Variants in RABGAP1L observed in about 807,000 individuals in gnomAD.
RABGAP1L encodes RAB GTPase activating protein 1 like, also known as rab GTPase-activating protein 1-like.
Under a neutral mutation model 137.7 loss-of-function variants are expected in RABGAP1L, and 63 were observed. The observed-to-expected ratio is 0.46, with a 90% confidence interval of 0.37 to 0.56. The LOEUF (loss-of-function observed/expected upper bound fraction) is 0.56. RABGAP1L is among the 20% of genes least tolerant of loss of function. The pLI is 0.00. For missense variants in RABGAP1L, 1,095 were observed against 1,244.0 expected, an observed-to-expected ratio of 0.88 and a Z score of 1.80; for synonymous variants, 431 against 433.7, an observed-to-expected ratio of 0.99 and a Z score of 0.08.
Position 174,414,476 on chromosome 1 carries a change from A to G in RABGAP1L, c.1710+20331A>G, listed in dbSNP as rs946828545. 3.9e-5 allele frequency among the ~76,000 whole-genome samples: 6 copies of G among 152,160 alleles called. No individual in the cohort carries two copies. In the South Asian group the frequency reaches 1.2e-3, roughly 32 times the overall value. ...GTCCTACTATCTAGGATACTGTCCT[A>G]CTATATAGGATCCTACTATACTAAT... On this transcript the variant is annotated intron_variant, in intron 13 of 25. Coordinates refer to ENST00000681986, the MANE Select transcript of RABGAP1L (RefSeq NM_001366446.1).
intron 13 of RABGAP1L, among the ~76,000 whole-genome samples, chr1:174,570,957 A>G (rs1471043734): frequency 6.6e-6 from 1 of 152,228 alleles, no homozygotes; most frequent in Non-Finnish European, 1.5e-5. Flanking sequence ...TATGGAAGAG[A>G]TACCTGCACT....
chr1:174,574,443 T>TTCTTAGG (rs1668214145), intron 13 of RABGAP1L, among the ~76,000 whole-genome samples: 1 of 152,182 alleles, frequency 6.6e-6, no homozygotes, highest in African/African-American at 2.4e-5. Flanking sequence ...CAACATAGTA[T>TTCTTAGG]TCTTAGGTCT....
chr1:174,831,075 T>C (rs1420397193), intron 19 of RABGAP1L, among the ~76,000 whole-genome samples: 1 of 148,234 alleles, frequency 6.7e-6, no homozygotes, highest in Non-Finnish European at 1.5e-5. Context: ...GTTTATTTAA[T>C]TTTATTTTAA....
chr1:174,246,586 C>T (rs578043698), intron 5 of RABGAP1L, among the ~76,000 whole-genome samples: 4 of 152,036 alleles, frequency 2.6e-5, no homozygotes, highest in Non-Finnish European at 5.9e-5. Flanking sequence ...CTAAAAGATA[C>T]AGTATAAAAA....
chr1:174,307,079 A>G (rs532726452), intron 11 of RABGAP1L, among the ~76,000 whole-genome samples: 3 of 150,088 alleles, frequency 2.0e-5, no homozygotes, highest in Non-Finnish European at 4.5e-5. Flanking sequence ...TTTGAGTCTT[A>G]CAATCCCATG....
intron 17 of RABGAP1L, among the ~76,000 whole-genome samples, chr1:174,744,184 A>G (rs1683688060): frequency 6.6e-6 from 1 of 151,354 alleles, no homozygotes; most frequent in Non-Finnish European, 1.5e-5. Flanking sequence ...CAAACATCAC[A>G]TTCTTTTATT....
At chr1:174,955,644 A>G (rs1668400133) in intron 19 of RABGAP1L, among the ~76,000 whole-genome samples, 1 of 152,266 alleles carries the variant, frequency 6.6e-6, no homozygotes, top group African/African-American at 2.4e-5. Flanking sequence ...AGGGCCTAGT[A>G]TGAGCCAAAT....
chr1:174,453,826 AC>A (rs1265143203), intron 13 of RABGAP1L, among the ~76,000 whole-genome samples: 1 of 152,144 alleles, frequency 6.6e-6, no homozygotes, highest in African/African-American at 2.4e-5. Flanking sequence ...AATATTCATA[AC>A]TTTTTTCAAT....
chr1:174,611,114 A>G (rs953383379), intron 13 of RABGAP1L, among the ~76,000 whole-genome samples: 3 of 148,410 alleles, frequency 2.0e-5, no homozygotes, highest in African/African-American at 7.7e-5. Context: ...TGTGTTTTAG[A>G]CATGAAGTCC....
intron 13 of RABGAP1L, among the ~76,000 whole-genome samples, chr1:174,484,233 A>AT (rs1558272846): frequency 6.6e-6 from 1 of 152,100 alleles, no homozygotes; most frequent in Non-Finnish European, 1.5e-5. Flanking sequence ...ATGTTTTCCC[A>AT]TTTTTTAATA....
intron 19 of RABGAP1L, among the ~76,000 whole-genome samples, chr1:174,911,391 G>T (rs755902921): frequency 3.6e-4 from 55 of 152,230 alleles, no homozygotes; most frequent in Middle Eastern, 6.8e-3. Context: ...TAAATTTAAT[G>T]CAAATTTGTG....
At chr1:174,817,890 C>G (rs773733436) in intron 19 of RABGAP1L, among the ~76,000 whole-genome samples, 1 of 152,092 alleles carries the variant, frequency 6.6e-6, no homozygotes, top group Non-Finnish European at 1.5e-5. Context: ...ATGTGAGCCT[C>G]AGGGCAGATA....
At chr1:174,935,717 C>T (rs1664660227) in intron 19 of RABGAP1L, among the ~76,000 whole-genome samples, 1 of 152,176 alleles carries the variant, frequency 6.6e-6, no homozygotes, top group Non-Finnish European at 1.5e-5. Flanking sequence ...CACAGTGGCT[C>T]ACGCCTGTAA....
At chr1:174,927,482 G>A (rs1663040705) in intron 19 of RABGAP1L, among the ~76,000 whole-genome samples, 1 of 151,982 alleles carries the variant, frequency 6.6e-6, no homozygotes, top group East Asian at 1.9e-4. Context: ...CTCCTGCCTT[G>A]GTCTCCCAAA....
intron 18 of RABGAP1L, among the ~76,000 whole-genome samples, chr1:174,757,284 T>A (rs1317456587): frequency 6.6e-6 from 1 of 152,196 alleles, no homozygotes; most frequent in Admixed American, 6.5e-5. Context: ...AATTTCCTGT[T>A]AAATAAAACC....
chr1:174,670,249 T>A (rs940933204), intron 14 of RABGAP1L, among the ~76,000 whole-genome samples: 1 of 152,000 alleles, frequency 6.6e-6, no homozygotes, highest in African/African-American at 2.4e-5. Context: ...TTTTATTTTT[T>A]ATTTTTAAAT....
At chr1:174,775,213 C>T (rs930670107) in intron 18 of RABGAP1L, among the ~76,000 whole-genome samples, 1 of 152,144 alleles carries the variant, frequency 6.6e-6, no homozygotes, top group Non-Finnish European at 1.5e-5. Flanking sequence ...AAATTTTGTC[C>T]ATGGCCACAC....
intron 17 of RABGAP1L, among the ~76,000 whole-genome samples, chr1:174,703,652 G>T (rs945080028): frequency 1.3e-5 from 2 of 152,036 alleles, no homozygotes; most frequent in African/African-American, 4.8e-5. Flanking sequence ...TTAATTCTTT[G>T]AGAAATTTCC....
intron 19 of RABGAP1L, among the ~76,000 whole-genome samples, chr1:174,909,534 T>G (rs1388271656): frequency 6.6e-6 from 1 of 152,150 alleles, no homozygotes; most frequent in Non-Finnish European, 1.5e-5. Context: ...TCCTAAAAAT[T>G]TTTTGAAACA....
Sources: allele counts gnomAD v4.1 joint callset (sites outside exome capture counted in the v4.1 genomes callset), GRCh38; gene constraint gnomAD v4.1.1; transcripts MANE v1.5; gene names NCBI Gene and HGNC (gene_info 2026-07-23, HGNC 2026-07-21).